The following CAMTA1 variants were observed in gnomAD, a reference collection of about 807,000 sequenced individuals.
CAMTA1 encodes the protein calmodulin binding transcription activator 1, also known as calmodulin-binding transcription activator 1.
A neutral mutation model predicts 170.9 loss-of-function variants in CAMTA1; 27 were observed. The ratio of observed to expected loss-of-function variants is 0.16; its 90% CI spans 0.12 to 0.22. CAMTA1 has a LOEUF of 0.22. Among genes scored for constraint, CAMTA1 ranks in the 10% least tolerant of loss-of-function variants. CAMTA1 has a pLI of 1.00. For missense variants in CAMTA1, 1,619 were observed against 2,217.2 expected, an observed-to-expected ratio of 0.73 and a Z score of 5.42; for synonymous variants, 833 against 891.5, an observed-to-expected ratio of 0.93 and a Z score of 1.17.
chr1:6,985,500 C>T (rs1695210427), intron 3 of CAMTA1, among the ~76,000 whole-genome samples: 1 of 152,246 alleles, frequency 6.6e-6, no homozygotes, highest in Non-Finnish European at 1.5e-5. Context: ...CACCCTACTT[C>T]AGTGCTTTTT....
intron 5 of CAMTA1, among the ~76,000 whole-genome samples, chr1:7,430,252 TGCTGATGATG>T (rs919745180): frequency 7.2e-5 from 11 of 151,914 alleles, no homozygotes; most frequent in African/African-American, 2.4e-4. Flanking sequence ...GTGAATCTGC[TGCTGATGATG>T]ATGGGGATGA....
chr1:7,276,303 A>ATATATATATATATATATATTT, intron 5 of CAMTA1, among the ~76,000 whole-genome samples: 8 of 24,226 alleles, frequency 3.3e-4, no homozygotes, highest in East Asian at 1.5e-3. Flanking sequence ...ATATATATAT[A>ATATATATATATATATATATTT]TTTTTTTTTT....
At chr1:6,906,311 A>G (rs1276689265) in intron 3 of CAMTA1, among the ~76,000 whole-genome samples, 1 of 152,080 alleles carries the variant, frequency 6.6e-6, no homozygotes. Context: ...TCTTCCCAAT[A>G]CTGAGCCCAG....
chr1:7,558,259 G>C (rs1315890510), intron 6 of CAMTA1, among the ~76,000 whole-genome samples: 3 of 152,232 alleles, frequency 2.0e-5, no homozygotes, highest in Admixed American at 6.5e-5. Flanking sequence ...CCCGCCCGCT[G>C]CCTCTGCTCC....
At chr1:7,138,231 A>G (rs1221136596) in intron 4 of CAMTA1, among the ~76,000 whole-genome samples, 1 of 151,998 alleles carries the variant, frequency 6.6e-6, no homozygotes, top group Non-Finnish European at 1.5e-5. Context: ...AGCTCAAGCA[A>G]TCCTCCCGCC....
intron 3 of CAMTA1, among the ~76,000 whole-genome samples, chr1:6,902,418 G>A (rs959730535): frequency 6.6e-6 from 1 of 152,124 alleles, no homozygotes; most frequent in Non-Finnish European, 1.5e-5. Flanking sequence ...GACGAGTCTC[G>A]AATGCATTAT....
chr1:7,492,157 C>G (rs1156895155), intron 6 of CAMTA1, among the ~76,000 whole-genome samples: 1 of 152,176 alleles, frequency 6.6e-6, no homozygotes, highest in East Asian at 1.9e-4. Flanking sequence ...AGTTGCTAAG[C>G]AAGTCCTCCT....
At chr1:7,695,708 G>C (rs2096368363) in intron 11 of CAMTA1, among the ~76,000 whole-genome samples, 1 of 152,148 alleles carries the variant, frequency 6.6e-6, no homozygotes, top group African/African-American at 2.4e-5. Context: ...AAGTGACCCA[G>C]GGTGCCAAAG....
chr1:7,331,038 A>C (rs2082998986), intron 5 of CAMTA1, among the ~76,000 whole-genome samples: 1 of 152,150 alleles, frequency 6.6e-6, no homozygotes, highest in Non-Finnish European at 1.5e-5. Flanking sequence ...TCAGGAGTTC[A>C]AGAGCAGCCT....
chr1:7,607,185 GTGGA>G lies in CAMTA1; in HGVS notation c.511-33203_511-33200del, dbSNP rs138345168. On this transcript the variant is annotated intron_variant, in intron 6 of 22. Transcript: ENST00000303635. The stretch of plus-strand genomic sequence containing the variant: ...GATGGGTGGTTGGATGGAATGATGA[GTGGA>G]TGGATGGATGGGTAGGTGGATGGAT... 4.4e-3 allele frequency among the ~76,000 whole-genome samples: 660 copies of G among 149,394 alleles called. 7 individuals carry two copies. Among genetic ancestry groups the G allele is most frequent in the African/African-American group, 0.016 (641 of 40,234 alleles).
At chr1:7,209,296 C>T (rs568036734) in intron 4 of CAMTA1, among the ~76,000 whole-genome samples, 10 of 152,282 alleles carry the variant, frequency 6.6e-5, no homozygotes, top group African/African-American at 2.2e-4. Flanking sequence ...TTAATTGCTA[C>T]TCAGAAAAAC....
intron 1 of CAMTA1, among the ~76,000 whole-genome samples, chr1:6,805,837 G>A (rs1378048890): frequency 2.0e-5 from 3 of 151,912 alleles, no homozygotes; most frequent in Non-Finnish European, 4.4e-5. Flanking sequence ...GTCCTTTGAA[G>A]AACAGAAGTT....
At chr1:6,855,342 A>T (rs1431796505) in intron 3 of CAMTA1, among the ~76,000 whole-genome samples, 1 of 151,750 alleles carries the variant, frequency 6.6e-6, no homozygotes, top group Non-Finnish European at 1.5e-5. Context: ...ATGGTTCCAC[A>T]GGCGGTTCAG....
chr1:7,003,458 T>C (rs933019219), intron 3 of CAMTA1, among the ~76,000 whole-genome samples: 5 of 152,216 alleles, frequency 3.3e-5, no homozygotes, highest in African/African-American at 1.2e-4. Context: ...ATGATCCCTG[T>C]AGCATAGATG....
At chr1:7,337,614 C>A (rs1450318729) in intron 5 of CAMTA1, among the ~76,000 whole-genome samples, 5 of 150,662 alleles carry the variant, frequency 3.3e-5, no homozygotes, top group African/African-American at 1.2e-4. Context: ...CATCCAATCA[C>A]AATGTGGGCG....
chr1:7,693,859 C>T (rs151079354), intron 11 of CAMTA1: 17 of 152,426 alleles, frequency 1.1e-4, no homozygotes, highest in African/African-American at 3.8e-4. Flanking sequence ...GCTGATACCA[C>T]GTGACCCAAA....
At chr1:7,610,926 G>A (rs1299329550) in intron 6 of CAMTA1, among the ~76,000 whole-genome samples, 2 of 152,232 alleles carry the variant, frequency 1.3e-5, no homozygotes, top group Non-Finnish European at 2.9e-5. Flanking sequence ...GGTAACTACG[G>A]GAGGCCAGGT....
At chr1:6,805,641 G>A (rs571847982) in intron 1 of CAMTA1, among the ~76,000 whole-genome samples, 3 of 152,252 alleles carry the variant, frequency 2.0e-5, no homozygotes, top group South Asian at 4.1e-4. Context: ...GAGCAGCTGG[G>A]ACTTCAGGGG....
intron 5 of CAMTA1, among the ~76,000 whole-genome samples, chr1:7,417,046 T>C (rs1225798236): frequency 6.6e-6 from 1 of 152,260 alleles, no homozygotes; most frequent in African/African-American, 2.4e-5. Context: ...TTTGCCTGGG[T>C]ATCAGCAGCA....
Sources: allele counts gnomAD v4.1 joint callset (sites outside exome capture counted in the v4.1 genomes callset), GRCh38; gene constraint gnomAD v4.1.1; transcripts MANE v1.5; gene names NCBI Gene and HGNC (gene_info 2026-07-23, HGNC 2026-07-21).